The following HTR1F variants were observed in gnomAD, a reference collection of about 807,000 sequenced individuals.
The protein encoded by HTR1F is 5-hydroxytryptamine (serotonin) receptor 1F, G protein-coupled.
A neutral mutation model predicts 24.0 loss-of-function variants in HTR1F; 17 were observed. The observed-to-expected ratio is 0.71, with a 90% confidence interval of 0.48 to 1.06. HTR1F has a LOEUF of 1.06. HTR1F is among the 50% of genes least tolerant of loss of function. The pLI, the probability that HTR1F is intolerant of heterozygous loss-of-function variation, is 0.00. For missense variants in HTR1F, 391 were observed against 427.8 expected (o/e 0.91, Z 0.76); for synonymous variants, 186 against 156.8 (o/e 1.19, Z -1.39).
At chr3:87,893,723 T>C (rs1243406144) in intron 2 of HTR1F, among the ~76,000 whole-genome samples, 1 of 152,256 alleles carries the variant, frequency 6.6e-6, no homozygotes, top group African/African-American at 2.4e-5. Flanking sequence ...TGTTCTTTCA[T>C]AAGACTCTTC....
chr3:87,910,422 C>G (rs1407053220), intron 2 of HTR1F: 1 of 151,950 alleles, frequency 6.6e-6, no homozygotes, highest in Non-Finnish European at 1.5e-5. Flanking sequence ...GGAAACCTAA[C>G]TATCGTAAAT....
At chr3:87,929,948 C>A (rs1328533622) in intron 2 of HTR1F, among the ~76,000 whole-genome samples, 9 of 152,084 alleles carry the variant, frequency 5.9e-5, no homozygotes, top group Non-Finnish European at 2.9e-5. Context: ...AATGTTTTTC[C>A]ATTTGTTTCT....
At chr3:87,868,402 G>T (rs1237156814) in intron 2 of HTR1F, among the ~76,000 whole-genome samples, 1 of 151,884 alleles carries the variant, frequency 6.6e-6, no homozygotes, top group African/African-American at 2.4e-5. Context: ...CTTGTTAAAG[G>T]ATTTTCTTAG....
rs1418538865 is a variant in HTR1F at position 87,792,708 on chromosome 3, A to C, written c.-294A>C. On this transcript the variant is annotated 5_prime_UTR_variant, in exon 1 of 3. Coordinates refer to ENST00000319595, the MANE Select transcript of HTR1F (RefSeq NM_001322209.2). The stretch of plus-strand genomic sequence containing the variant: ...GCGGCGCAAGACTTCCCCAGCGCGC[A>C]GTCAGCGTCGCGGCCCCGAAAGCTG... Among the ~76,000 whole-genome samples, 5 of 152,234 alleles carry C rather than the reference A, an allele frequency of 3.3e-5. No individual in the cohort carries two copies. Among genetic ancestry groups the C allele is most frequent in the Non-Finnish European group, 7.3e-5 (5 of 68,036 alleles).
chr3:87,963,964 T>C (rs1247267031), intron 2 of HTR1F, among the ~76,000 whole-genome samples: 7 of 152,126 alleles, frequency 4.6e-5, no homozygotes, highest in Admixed American at 3.9e-4. Flanking sequence ...AGGAGTCAAA[T>C]GCATCTTTCT....
chr3:87,848,523 G>A (rs1281621941), intron 2 of HTR1F, among the ~76,000 whole-genome samples: 2 of 151,598 alleles, frequency 1.3e-5, no homozygotes, highest in Non-Finnish European at 2.9e-5. Flanking sequence ...AGCTTTATAT[G>A]TCTAGCATTT....
intron 2 of HTR1F, among the ~76,000 whole-genome samples, chr3:87,928,495 T>C (rs1704182424): frequency 6.6e-6 from 1 of 152,222 alleles, no homozygotes; most frequent in East Asian, 1.9e-4. Flanking sequence ...TTCATGACTA[T>C]ATATTATTTT....
chr3:87,876,177 TC>T (rs1156529024), intron 2 of HTR1F, among the ~76,000 whole-genome samples: 1 of 152,172 alleles, frequency 6.6e-6, no homozygotes, highest in East Asian at 1.9e-4. Flanking sequence ...GTGTAACTGC[TC>T]TGGAAAGCAG....
chr3:87,976,875 T>C (rs1237711893), intron 2 of HTR1F, among the ~76,000 whole-genome samples: 1 of 152,188 alleles, frequency 6.6e-6, no homozygotes, highest in Non-Finnish European at 1.5e-5. Context: ...TAATACATTA[T>C]TATATCCAAT....
At position 87,991,847 on chromosome 3, in the gene HTR1F, T is replaced by C. The variant is rs1209446746; in HGVS notation, c.1098T>C (p.Cys366=). The C allele has an allele frequency of 6.4e-7, 1 of 1,558,068 alleles. No homozygotes were observed. The highest frequency in any genetic ancestry group is 2.3e-5 in the East Asian group (1 of 44,138). Residue 366 remains cysteine (C), a synonymous_variant, in exon 3 of 3, where the codon TGT becomes TGC. Transcript: ENST00000319595. ...KAFQKLVRCR[C] ...TCCAAAAGCTTGTGCGATGTCGATG[T>C]TAGTTTTAAAAATGTTTATTATTGA...
chr3:87,799,263 A>C (rs184769886), intron 1 of HTR1F, among the ~76,000 whole-genome samples: 9 of 152,310 alleles, frequency 5.9e-5, no homozygotes, highest in Non-Finnish European at 1.0e-4. Flanking sequence ...AGCATTACCC[A>C]ATAATAGTCC....
At chr3:87,875,855 TG>T (rs1255515593) in intron 2 of HTR1F, among the ~76,000 whole-genome samples, 1 of 138,774 alleles carries the variant, frequency 7.2e-6, no homozygotes, top group Non-Finnish European at 1.5e-5. Context: ...ACCCAGGAGG[TG>T]GAGCTTGCAG....
chr3:87,900,316 A>G (rs1368396391), intron 2 of HTR1F, among the ~76,000 whole-genome samples: 2 of 152,226 alleles, frequency 1.3e-5, no homozygotes, highest in African/African-American at 4.8e-5. Flanking sequence ...AGCAGAATCA[A>G]AAAGTGCACT....
chr3:87,892,108 C>A (rs890222781), intron 2 of HTR1F, among the ~76,000 whole-genome samples: 3 of 152,114 alleles, frequency 2.0e-5, no homozygotes, highest in Admixed American at 6.6e-5. Context: ...CTTTTTAGAA[C>A]CTATCAATAG....
chr3:87,850,541 A>G (rs1238615830), intron 2 of HTR1F, among the ~76,000 whole-genome samples: 46 of 151,724 alleles, frequency 3.0e-4, no homozygotes, highest in African/African-American at 1.1e-3. Context: ...ACACCAACAT[A>G]GCACATGTAT....
chr3:87,943,631 G>A (rs1704624845), intron 2 of HTR1F, among the ~76,000 whole-genome samples: 1 of 152,024 alleles, frequency 6.6e-6, no homozygotes, highest in Admixed American at 6.5e-5. Flanking sequence ...CTTCCTATAG[G>A]GCATAAATCA....
rs539625417 is a variant in HTR1F at position 87,824,077 on chromosome 3, C to G, written c.-43+1953C>G. 4.0e-4 allele frequency among the ~76,000 whole-genome samples: 61 copies of G among 151,808 alleles called. 1 individual carries two copies. In the South Asian group the frequency reaches 0.012, roughly 30 times the overall value. ...AAAAAAAGCTAACATATGCAGAAGT[C>G]TCCCAGATCTTTATCCCAGCCCTGA... On this transcript the variant is annotated intron_variant, in intron 2 of 2. Coordinates refer to ENST00000319595, the MANE Select transcript of HTR1F (RefSeq NM_001322209.2).
intron 2 of HTR1F, among the ~76,000 whole-genome samples, chr3:87,979,125 G>A (rs1251540787): frequency 1.1e-4 from 8 of 70,290 alleles, no homozygotes; most frequent in African/African-American, 3.8e-4. Flanking sequence ...GGAAGGGAGG[G>A]AGGGAGGGAG....
At chr3:87,862,429 T>C (rs1705337393) in intron 2 of HTR1F, among the ~76,000 whole-genome samples, 1 of 152,220 alleles carries the variant, frequency 6.6e-6, no homozygotes, top group African/African-American at 2.4e-5. Context: ...AATACAGTGT[T>C]TGAAGCTGAG....
Sources: allele counts gnomAD v4.1 joint callset (sites outside exome capture counted in the v4.1 genomes callset), GRCh38; gene constraint gnomAD v4.1.1; transcripts MANE v1.5; gene names NCBI Gene and HGNC (gene_info 2026-07-23, HGNC 2026-07-21).